Variants in ANHX observed in about 807,000 individuals in gnomAD.
The protein encoded by ANHX is anomalous homeobox.
ANHX carries 20 observed loss-of-function variants against 38.9 expected under a neutral mutation model. The ratio of observed to expected loss-of-function variants is 0.51; its 90% CI spans 0.36 to 0.75. The LOEUF (loss-of-function observed/expected upper bound fraction) is 0.75. ANHX is among the 30% of genes least tolerant of loss of function. ANHX has a pLI of 0.00. For synonymous variants in ANHX, 185 were observed against 203.1 expected (o/e 0.91, Z 0.76); for missense variants, 475 against 493.1 (o/e 0.96, Z 0.35).
At chr12:133,219,141 C>T in intron 9 of ANHX, 142 bp downstream of exon 9, 1 of 1,005,436 alleles carries the variant, frequency 9.9e-7, no homozygotes, top group Non-Finnish European at 1.5e-6. Context: ...CAGTAATGTC[C>T]AGCCACAAAT....
intron 8 of ANHX, 123 bp from the exon 9 acceptor site, chr12:133,219,490 G>C: frequency 1.5e-6 from 1 of 658,876 alleles, no homozygotes; most frequent in Non-Finnish European, 2.5e-6. Context: ...CATCAGAACA[G>C]ACTCTCTTCC....
chr12:133,227,585 A>C (rs1957206829), intron 4 of ANHX, among the ~76,000 whole-genome samples: 1 of 152,206 alleles, frequency 6.6e-6, no homozygotes, highest in African/African-American at 2.4e-5. Context: ...GTGGGTGCTG[A>C]GTGAGCAGCC....
intron 2 of ANHX, 100 bp downstream of exon 2, chr12:133,234,008 T>C: frequency 7.0e-6 from 10 of 1,434,442 alleles, no homozygotes; most frequent in Non-Finnish European, 9.2e-6. Flanking sequence ...AGTGGGTTCC[T>C]ACTAACTCCT....
At position 133,218,701 on chromosome 12, in the gene ANHX, A is replaced by C; in HGVS notation, c.*184T>G. On this transcript the variant is annotated 3_prime_UTR_variant, in exon 10 of 10. Coordinates refer to ENST00000545940, the MANE Select transcript of ANHX (RefSeq NM_001372060.1). The stretch of plus-strand genomic sequence containing the variant: ...TCAAATGCTTTCTCTACTACAGGGA[A>C]TTGCTAACCAAACTATTCAAACATG... The C allele has an allele frequency of 6.4e-6, 3 of 465,266 alleles. No individual in the cohort carries two copies. Among genetic ancestry groups the C allele is most frequent in the Middle Eastern group, 3.1e-4 (1 of 3,276 alleles). The allele number at this position is 465,266 out of a possible 1,614,324, so 28.8% of individuals were successfully genotyped here. A position where few individuals can be genotyped will look rare whatever the true frequency, so the allele number is the denominator to read the frequency against.
Position 133,226,322 on chromosome 12 carries a change from C to G in ANHX, c.835G>C (p.Val279Leu), listed in dbSNP as rs1317128641. The change falls in exon 6 of 10, where the codon GTC (valine) becomes CTC (leucine). Residue 279 changes from valine to leucine, a missense_variant. Physicochemically the swap from Val to Leu is conservative, Grantham distance 32. Transcript: ENST00000545940. ...ADETVSKPLD[V>L]RSLPGGEMYQ... is the part of the protein sequence containing the mutation. ...TGGCCATGGAGATGACAGTACCTGA[C>G]ATCCAGTGGCTTTGAGACTGTCTCA... 1 of 1,536,146 alleles carries G rather than the reference C, an allele frequency of 6.5e-7. No individual in the cohort carries two copies. The highest frequency in any genetic ancestry group is 1.4e-5 in the African/African-American group (1 of 73,058).
intron 8 of ANHX, among the ~76,000 whole-genome samples, chr12:133,219,843 C>T (rs1566400575): frequency 6.6e-6 from 1 of 152,150 alleles, no homozygotes; most frequent in Admixed American, 6.5e-5. Flanking sequence ...GTGATGCCCC[C>T]AAATCCCCAT....
intron 1 of ANHX, chr12:133,234,611 A>C (rs1172072851): frequency 2.1e-6 from 1 of 486,174 alleles, no homozygotes; most frequent in Non-Finnish European, 3.7e-6. Context: ...ACGGCTGTGC[A>C]CCAAGCACTG....
chr12:133,219,415 G>T, intron 8 of ANHX, 48 bp from the exon 9 acceptor site: 1 of 1,330,336 alleles, frequency 7.5e-7, no homozygotes, highest in Non-Finnish European at 1.0e-6. Context: ...AGGGGACACT[G>T]GGGTGACAAA....
chr12:133,229,826 C>A (rs1957243422), intron 3 of ANHX, among the ~76,000 whole-genome samples: 1 of 152,194 alleles, frequency 6.6e-6, no homozygotes, highest in Non-Finnish European at 1.5e-5. Context: ...GTGAGCGAAT[C>A]CATTCCAACA....
chr12:133,225,307 GCATACATACACA>G (rs1300284751), intron 7 of ANHX, among the ~76,000 whole-genome samples: 1 of 147,658 alleles, frequency 6.8e-6, no homozygotes, highest in African/African-American at 2.6e-5. Context: ...TCAGTGATAT[GCATACATACACA>G]CACACACACA....
At position 133,218,720 on chromosome 12, in the gene ANHX, A is replaced by C. The variant is rs1957068015; in HGVS notation, c.*165T>G. 2.0e-6 allele frequency: 1 copy of C among 495,484 alleles called. No individual in the cohort carries two copies. Among genetic ancestry groups the C allele is most frequent in the South Asian group, 4.4e-5 (1 of 22,922 alleles). 30.7% of individuals were successfully genotyped at this position (495,484 alleles called of 1,614,324 possible). On this transcript the variant is annotated 3_prime_UTR_variant, in exon 10 of 10. Transcript: ENST00000545940. ...CAGGGAATTGCTAACCAAACTATTCAAACATGGCAGTGGGAAAGAATCTCT... is the reference window on the plus strand; with the variant it reads ...CAGGGAATTGCTAACCAAACTATTCCAACATGGCAGTGGGAAAGAATCTCT...
chr12:133,226,615 G>A (rs552020985), intron 5 of ANHX, among the ~76,000 whole-genome samples, 177 bp from the exon 6 acceptor site: 431 of 152,274 alleles, frequency 2.8e-3, no homozygotes, highest in African/African-American at 9.5e-3. Flanking sequence ...GCCAACCCAG[G>A]ACACCCCAAA....
At chr12:133,219,396 C>A in intron 8 of ANHX, 29 bp from the exon 9 acceptor site, 2 of 1,459,416 alleles carry the variant, frequency 1.4e-6, no homozygotes, top group South Asian at 2.6e-5. Flanking sequence ...AAGAATAGGC[C>A]CTATCTCAAG....
intron 7 of ANHX, among the ~76,000 whole-genome samples, chr12:133,223,741 C>T (rs761468976): frequency 3.0e-4 from 45 of 152,106 alleles, no homozygotes; most frequent in Non-Finnish European, 5.7e-4. Flanking sequence ...TCACTGCACC[C>T]GGCCAGGAGA....
At chr12:133,235,094 G>C (rs984817396) in intron 1 of ANHX, 5 of 152,294 alleles carry the variant, frequency 3.3e-5, no homozygotes, top group African/African-American at 9.6e-5. Flanking sequence ...CCCGCCAAGG[G>C]GACGCGACCT....
At chr12:133,235,408 G>A (rs910441935) in intron 1 of ANHX, 1 of 152,570 alleles carries the variant, frequency 6.6e-6, no homozygotes, top group African/African-American at 2.4e-5. Flanking sequence ...CCAGCTGAAT[G>A]GAGGGGAAGG....
intron 2 of ANHX, among the ~76,000 whole-genome samples, chr12:133,232,587 G>C (rs1231169647): frequency 1.3e-5 from 2 of 152,182 alleles, no homozygotes; most frequent in Non-Finnish European, 2.9e-5. Flanking sequence ...GGCTGGGGTT[G>C]CCACCCGTTC....
Position 133,218,818 on chromosome 12 carries a change from T to C in ANHX, c.*67A>G. On this transcript the variant is annotated 3_prime_UTR_variant, in exon 10 of 10. Transcript: ENST00000545940. ...ATTCAGGATAAAGCTCTGTAACTCC[T>C]TGTGTTGACCAGGCAGACCATCCAC... 8.1e-7 allele frequency: 1 copy of C among 1,235,794 alleles called. No homozygotes were observed. Among genetic ancestry groups the C allele is most frequent in the Non-Finnish European group, 1.1e-6 (1 of 918,724 alleles). 76.6% of individuals were successfully genotyped at this position (1,235,794 alleles called of 1,614,324 possible).
chr12:133,226,554 A>G, intron 5 of ANHX, 116 bp from the exon 6 acceptor site: 2 of 1,383,692 alleles, frequency 1.4e-6, no homozygotes, highest in South Asian at 1.5e-5. Flanking sequence ...GGGCCATCCC[A>G]ATGTTTTTGC....
Sources: allele counts gnomAD v4.1 joint callset (sites outside exome capture counted in the v4.1 genomes callset), GRCh38; gene constraint gnomAD v4.1.1; transcripts MANE v1.5; gene names NCBI Gene and HGNC (gene_info 2026-07-23, HGNC 2026-07-21).